ABCC1: variants seen among roughly 807,000 people sequenced by gnomAD.
ABCC1 encodes the protein ATP binding cassette subfamily C member 1 (ABCC1 blood group), also known as multidrug resistance-associated protein 1.
ABCC1 carries 83 observed loss-of-function variants against 172.9 expected under a neutral mutation model. The ratio of observed to expected loss-of-function variants is 0.48; its 90% CI spans 0.40 to 0.58. The LOEUF (loss-of-function observed/expected upper bound fraction) is 0.58, where lower values mean the gene tolerates loss of function less well. Ranked by LOEUF, ABCC1 falls within the 20% of genes least tolerant of loss-of-function variation. ABCC1 has a pLI of 0.00. For missense variants in ABCC1, 1,817 were observed against 2,002.7 expected (o/e 0.91, Z 1.77); for synonymous variants, 937 against 825.2 (o/e 1.14, Z -2.32).
At chr16:15,999,870 C>CTTTCTTTCTTTCTTTCTTTCTTTCTTTA (rs2047229151) in intron 1 of ABCC1, among the ~76,000 whole-genome samples, 1 of 120,030 alleles carries the variant, frequency 8.3e-6, no homozygotes, top group Non-Finnish European at 1.8e-5. Flanking sequence ...TTCTTTCTTT[C>CTTTCTTTCTTTCTTTCTTTCTTTCTTTA]TTTCAGCCTG....
At position 16,030,836 on chromosome 16, in the gene ABCC1, G is replaced by A. The variant is rs555007831; in HGVS notation, c.616-2273G>A. ...TAATCAGATTGCCTGGTGCGGGTAG[G>A]GCCCGGATACAGTATTTTTTTAAAT... On this transcript the variant is annotated intron_variant, in intron 5 of 30. Coordinates refer to ENST00000399410, the MANE Select transcript of ABCC1 (RefSeq NM_004996.4). Among the ~76,000 whole-genome samples, 9 of 151,906 alleles carry A rather than the reference G, an allele frequency of 5.9e-5. 1 individual carries two copies. Among genetic ancestry groups the A allele is most frequent in the Non-Finnish European group, 1.3e-4 (9 of 68,006 alleles).
Position 16,009,796 on chromosome 16 carries a change from G to C in ABCC1, c.246G>C (p.Trp82Cys), listed in dbSNP as rs1446142132. Residue 82 changes from tryptophan to cysteine, a missense_variant, in exon 3 of 31, where the codon TGG becomes TGC. Trp to Cys is a radical substitution (Grantham distance 215). Transcript: ENST00000399410. Reference protein sequence around the residue: ...KTKTALGFLLWIVCWADLFYS... With the variant: ...KTKTALGFLLCIVCWADLFYS... The stretch of plus-strand genomic sequence containing the variant: ...TCCAGGCCTTGGGATTTTTGCTGTG[G>C]ATCGTCTGCTGGGCAGACCTCTTCT... The C allele has an allele frequency of 6.2e-7, 1 of 1,607,454 alleles. No individual in the cohort carries two copies. Among genetic ancestry groups the C allele is most frequent in the Non-Finnish European group, 8.5e-7 (1 of 1,177,312 alleles).
rs1306800361 is a variant in ABCC1 at position 16,136,480 on chromosome 16, C to G, written c.4128C>G (p.Asp1376Glu). The G allele has an allele frequency of 1.9e-6, 3 of 1,614,136 alleles. No homozygotes were observed. The highest frequency in any genetic ancestry group is 2.2e-5 in the South Asian group (2 of 91,078). Residue 1376 changes from aspartate to glutamate, a missense_variant and splice_region_variant, in exon 29 of 31, where the codon GAC (aspartate) becomes GAG (glutamate). Asp to Glu is a conservative substitution (Grantham distance 45). Coordinates refer to ENST00000399410, the MANE Select transcript of ABCC1 (RefSeq NM_004996.4). Reference protein sequence around the residue: ...LRFKITIIPQDPVLFSGSLRM... With the variant: ...LRFKITIIPQEPVLFSGSLRM... ...TCCACTCTCTTCTCTCTGAACAGGA[C>G]CCTGTTTTGTTTTCGGGTTCCCTCC...
At chr16:16,124,003 G>C (rs992850487) in intron 24 of ABCC1, among the ~76,000 whole-genome samples, 2 of 152,150 alleles carry the variant, frequency 1.3e-5, no homozygotes, top group African/African-American at 4.8e-5. Flanking sequence ...GGATGGCAGA[G>C]TAAGACCCCA....
chr16:16,017,820 G>A (rs1251587518), intron 5 of ABCC1, among the ~76,000 whole-genome samples: 2 of 152,100 alleles, frequency 1.3e-5, no homozygotes, highest in Admixed American at 6.6e-5. Flanking sequence ...GCATGTGAGC[G>A]GAGACCTAGA....
chr16:16,112,555 T>C (rs2044663998), intron 22 of ABCC1, among the ~76,000 whole-genome samples: 2 of 152,056 alleles, frequency 1.3e-5, no homozygotes, highest in Admixed American at 6.6e-5. Flanking sequence ...GAGGTAGGAG[T>C]TAATATTTCC....
At chr16:16,106,173 G>A (rs925704536) in intron 20 of ABCC1, among the ~76,000 whole-genome samples, 14 of 152,104 alleles carry the variant, frequency 9.2e-5, no homozygotes, top group Admixed American at 6.6e-4. Context: ...CACTGCACCT[G>A]GCCAAATAAT....
chr16:15,984,284 C>T (rs1052391497), intron 1 of ABCC1, among the ~76,000 whole-genome samples: 1 of 152,080 alleles, frequency 6.6e-6, no homozygotes, highest in African/African-American at 2.4e-5. Context: ...TGGAGATCCA[C>T]TTGGTATATT....
chr16:16,073,055 A>C (rs140399008), intron 14 of ABCC1, among the ~76,000 whole-genome samples: 1 of 143,834 alleles, frequency 7.0e-6, no homozygotes, highest in Non-Finnish European at 1.5e-5. Context: ...AAAAAAAAAA[A>C]AATAATAATA....
intron 20 of ABCC1, among the ~76,000 whole-genome samples, chr16:16,103,634 A>G (rs1006541464): frequency 1.3e-5 from 2 of 152,170 alleles, no homozygotes; most frequent in Non-Finnish European, 2.9e-5. Flanking sequence ...TAAAACAACA[A>G]CAAAAATTGA....
intron 20 of ABCC1, among the ~76,000 whole-genome samples, chr16:16,103,877 A>C (rs549779503): frequency 6.6e-6 from 1 of 152,256 alleles, no homozygotes; most frequent in Non-Finnish European, 1.5e-5. Context: ...GCAGACCCTC[A>C]CGGTGAGTGT....
intron 1 of ABCC1, among the ~76,000 whole-genome samples, chr16:15,961,000 G>GTT (rs745767540): frequency 3.7e-5 from 4 of 107,684 alleles, no homozygotes; most frequent in Non-Finnish European, 5.7e-5. Context: ...TGAAACGCAG[G>GTT]TTTTTTTTTT....
chr16:16,077,397 T>C (rs1468453179), intron 15 of ABCC1, among the ~76,000 whole-genome samples: 1 of 152,206 alleles, frequency 6.6e-6, no homozygotes, highest in Non-Finnish European at 1.5e-5. Context: ...TTCTGTCTTG[T>C]TGAGCTGCAC....
intron 26 of ABCC1, among the ~76,000 whole-genome samples, chr16:16,126,846 G>A (rs1567435116): frequency 6.6e-6 from 1 of 152,198 alleles, no homozygotes; most frequent in African/African-American, 2.4e-5. Context: ...CATACTACAC[G>A]AATGATGTAG....
chr16:16,010,036 C>CT, intron 3 of ABCC1, 135 bp downstream of exon 3: 1 of 116,696 alleles, frequency 8.6e-6, no homozygotes, highest in South Asian at 2.0e-4. Context: ...TTAAATGTAG[C>CT]CTTTTTTTTT....
At chr16:16,026,560 A>G (rs1041806988) in intron 5 of ABCC1, among the ~76,000 whole-genome samples, 1 of 130,586 alleles carries the variant, frequency 7.7e-6, no homozygotes, top group African/African-American at 2.8e-5. Context: ...CTGTGTTTAG[A>G]TCCATAGAAG....
intron 9 of ABCC1, 33 bp downstream of exon 9, chr16:16,046,046 G>A (rs751612532): frequency 4.4e-6 from 7 of 1,607,494 alleles, no homozygotes; most frequent in Admixed American, 1.7e-5. Flanking sequence ...CATGTGGCCC[G>A]ACTTCCACAT....
At position 16,014,523 on chromosome 16, in the gene ABCC1, G is replaced by A. The variant is rs2047918649; in HGVS notation, c.384G>A (p.Arg128=). ...CTACCTTTTTAATTCAGCTGGAGAG[G>A]AGGAAGGGAGTTCAGTCTTCAGGGA... ...LLATFLIQLE[R]RKGVQSSGIM... The change falls in exon 4 of 31, where the codon AGG becomes AGA. Residue 128 remains arginine (R), a synonymous_variant. Coordinates refer to ENST00000399410, the MANE Select transcript of ABCC1 (RefSeq NM_004996.4). 2.5e-6 allele frequency: 4 copies of A among 1,614,120 alleles called. No individual in the cohort carries two copies. Among genetic ancestry groups the A allele is most frequent in the Middle Eastern group, 1.7e-4 (1 of 6,034 alleles).
chr16:16,112,870 C>T (rs1034445383), intron 22 of ABCC1, among the ~76,000 whole-genome samples: 5 of 152,192 alleles, frequency 3.3e-5, no homozygotes, highest in African/African-American at 1.2e-4. Flanking sequence ...TCCCATTTTA[C>T]AGATGAGGAA....
Sources: gnomAD v4.1 joint callset for allele counts (sites outside exome capture counted in the v4.1 genomes callset) on GRCh38, gnomAD v4.1.1 for gene constraint, MANE v1.5 for transcripts, NCBI Gene and HGNC (gene_info 2026-07-23, HGNC 2026-07-21) for gene names.